DOP1A: variants seen among roughly 807,000 people sequenced by gnomAD.
The protein encoded by DOP1A is protein DOP1A.
Under a neutral mutation model 267.6 loss-of-function variants are expected in DOP1A, and 90 were observed. That is an observed-to-expected ratio of 0.34 (90% CI 0.28 to 0.40). DOP1A has a LOEUF of 0.40. DOP1A is among the 10% of genes least tolerant of loss of function. DOP1A has a pLI of 1.00. For missense variants in DOP1A, 2,437 were observed against 2,900.4 expected (o/e 0.84, Z 3.67); for synonymous variants, 932 against 999.1 (o/e 0.93, Z 1.27).
chr6:83,085,781 ATGT>A (rs1582877265), intron 1 of DOP1A, among the ~76,000 whole-genome samples: 1 of 50,842 alleles, frequency 2.0e-5, no homozygotes, highest in East Asian at 1.3e-3. Flanking sequence ...GCGGTATTTT[ATGT>A]TATGTTATGT....
chr6:83,106,532 G>A (rs945613642), intron 4 of DOP1A, among the ~76,000 whole-genome samples: 9 of 151,878 alleles, frequency 5.9e-5, no homozygotes, highest in South Asian at 2.1e-4. Flanking sequence ...CCAGGAGGCC[G>A]GGCTCAGTGG....
At chr6:83,133,887 C>G (rs1778465781) in intron 18 of DOP1A, among the ~76,000 whole-genome samples, 1 of 151,894 alleles carries the variant, frequency 6.6e-6, no homozygotes, top group Non-Finnish European at 1.5e-5. Context: ...ACATTAGTAA[C>G]TTTTTTCTCC....
intron 4 of DOP1A, among the ~76,000 whole-genome samples, chr6:83,106,575 C>T (rs771816473): frequency 3.3e-5 from 5 of 151,822 alleles, no homozygotes; most frequent in African/African-American, 7.3e-5. Flanking sequence ...TTTGGGAGGC[C>T]GAGGTGGGTG....
intron 31 of DOP1A, 121 bp from the exon 32 acceptor site, chr6:83,153,773 T>C (rs1371726956): frequency 8.2e-7 from 1 of 1,216,312 alleles, no homozygotes. Flanking sequence ...ATTTTTCTTA[T>C]GGTGCTTTCT....
chr6:83,083,629 T>C (rs531559991), intron 1 of DOP1A, among the ~76,000 whole-genome samples: 1 of 152,324 alleles, frequency 6.6e-6, no homozygotes, highest in African/African-American at 2.4e-5. Context: ...CTTAGTATAG[T>C]GCCTGGCACA....
chr6:83,159,859 T>G lies in DOP1A; in HGVS notation c.6861T>G (p.Thr2287=). 6.2e-7 allele frequency: 1 copy of G among 1,614,150 alleles called. No individual in the cohort carries two copies. Among genetic ancestry groups the G allele is most frequent in the African/African-American group, 1.3e-5 (1 of 75,046 alleles). The change falls in exon 37 of 39, where the codon ACT becomes ACG. Residue 2287 remains threonine (T), a synonymous_variant. Transcript: ENST00000349129. ...ACACAGGAGGTAATGGCTTCTCTAC[T>G]TCATATAACAGCCAGCGGTGGTTAA... is the stretch of plus-strand genomic sequence containing the variant. ...TTYTGGNGFS[T]SYNSQRWLNL...
chr6:83,156,235 C>T, intron 34 of DOP1A, 132 bp downstream of exon 34: 1 of 674,876 alleles, frequency 1.5e-6, no homozygotes, highest in Non-Finnish European at 2.3e-6. Flanking sequence ...AATTTTTCTA[C>T]TGAAACAATG....
intron 18 of DOP1A, 42 bp downstream of exon 18, chr6:83,132,370 C>T (rs771594171): frequency 1.3e-6 from 2 of 1,506,464 alleles, no homozygotes; most frequent in South Asian, 2.6e-5. Flanking sequence ...CTCCGCCACA[C>T]ACACACACAC....
At chr6:83,143,763 A>G (rs754437384) in intron 24 of DOP1A, among the ~76,000 whole-genome samples, 1 of 152,194 alleles carries the variant, frequency 6.6e-6, no homozygotes, top group Non-Finnish European at 1.5e-5. Context: ...GAGTGATACT[A>G]GAGACCCAGT....
At chr6:83,114,759 T>C (rs546125372) in intron 7 of DOP1A, among the ~76,000 whole-genome samples, 25 of 152,320 alleles carry the variant, frequency 1.6e-4, no homozygotes, top group Non-Finnish European at 2.8e-4. Context: ...GCCTTTTCTG[T>C]ATTCCTGCCA....
Position 83,167,978 on chromosome 6 carries a change from C to CAGT in DOP1A, c.7210_7212dup (p.Ser2404dup). 6.2e-7 allele frequency: 1 copy of CAGT among 1,614,182 alleles called. No homozygotes were observed. The highest frequency in any genetic ancestry group is 8.5e-7 in the Non-Finnish European group (1 of 1,180,034). On this transcript the variant is annotated inframe_insertion, in exon 39 of 39. Transcript: ENST00000349129. ...AGCTCCTGCCGTTCTTCAATGTGCT[C>CAGT]AGTCAAGTCTTCAACAGCAAAGTCA...
At chr6:83,169,352 G>A, downstream of DOP1A, 1 of 1,612,246 alleles carries the variant, frequency 6.2e-7, no homozygotes, top group Non-Finnish European at 8.5e-7. Context: ...GAGATTAGAT[G>A]AGAAAGACAT....
At position 83,137,290 on chromosome 6, in the gene DOP1A, G is replaced by A; in HGVS notation, c.3248G>A (p.Ser1083Asn). Residue 1083 changes from serine to asparagine, a missense_variant, in exon 21 of 39, where the codon AGT (serine) becomes AAT (asparagine). By Grantham distance (46) the Ser-to-Asn change is conservative (BLOSUM62 1). This residue lies in a region of DOP1A where 878 missense variants were observed against 992.9 expected (regional missense o/e 0.88). Coordinates refer to ENST00000349129, the MANE Select transcript of DOP1A (RefSeq NM_015018.4). ...TTAAGTGACAGACTTTCCCTCCTAAGTACCAGCAGTGAGACAATTCCAATG... is the reference window on the plus strand; with the variant it reads ...TTAAGTGACAGACTTTCCCTCCTAAATACCAGCAGTGAGACAATTCCAATG... Reference protein sequence around the residue: ...NPLSDRLSLLSTSSETIPMVV... With the variant: ...NPLSDRLSLLNTSSETIPMVV... The A allele has an allele frequency of 6.2e-7, 1 of 1,613,746 alleles. No homozygotes were observed. The highest frequency in any genetic ancestry group is 8.5e-7 in the Non-Finnish European group (1 of 1,179,780).
At chr6:83,155,182 C>T (rs1474456188) in intron 33 of DOP1A, among the ~76,000 whole-genome samples, 1 of 151,922 alleles carries the variant, frequency 6.6e-6, no homozygotes, top group African/African-American at 2.4e-5. Flanking sequence ...CAAAGGTTGG[C>T]TGGGTGCAGT....
chr6:83,131,721 C>T (rs144316793), intron 17 of DOP1A, among the ~76,000 whole-genome samples: 4 of 152,022 alleles, frequency 2.6e-5, no homozygotes, highest in African/African-American at 7.2e-5. Context: ...CTACAACTTG[C>T]GCTTTTCGGG....
intron 7 of DOP1A, among the ~76,000 whole-genome samples, chr6:83,117,950 T>A (rs1254287408): frequency 6.6e-6 from 1 of 152,206 alleles, no homozygotes; most frequent in Non-Finnish European, 1.5e-5. Context: ...AAATCCTTTC[T>A]AATTCTATCA....
chr6:83,125,149 G>C lies in DOP1A; in HGVS notation c.1456-17G>C, dbSNP rs1260036263. ...TTCTGTTTTCTCTCCTCACTTCTTT[G>C]CTTTCTCATTTTGAAGCCTACTAGA... is the stretch of plus-strand genomic sequence containing the variant. On this transcript the variant is annotated splice_polypyrimidine_tract_variant and intron_variant, in intron 13 of 38. Coordinates refer to ENST00000349129, the MANE Select transcript of DOP1A (RefSeq NM_015018.4). 6.3e-7 allele frequency: 1 copy of C among 1,577,028 alleles called. No homozygotes were observed. Among genetic ancestry groups the C allele is most frequent in the Non-Finnish European group, 8.6e-7 (1 of 1,169,464 alleles).
intron 38 of DOP1A, chr6:83,165,935 G>C (rs762608039): frequency 2.4e-4 from 90 of 382,554 alleles, no homozygotes; most frequent in Admixed American, 1.3e-4. Flanking sequence ...GATCAGACTG[G>C]CAGCAAACCA....
At chr6:83,089,675 T>G (rs1392082899) in intron 1 of DOP1A, among the ~76,000 whole-genome samples, 2 of 152,244 alleles carry the variant, frequency 1.3e-5, no homozygotes, top group African/African-American at 4.8e-5. Flanking sequence ...TTTTTATTTT[T>G]TTAAGTTTCC....
Sources: allele counts gnomAD v4.1 joint callset (sites outside exome capture counted in the v4.1 genomes callset), GRCh38; gene constraint gnomAD v4.1.1; regional missense constraint gnomAD v4.1.1; transcripts MANE v1.5; gene names NCBI Gene and HGNC (gene_info 2026-07-23, HGNC 2026-07-21).